CSMD3: variants seen among roughly 807,000 people sequenced by gnomAD.
The protein encoded by CSMD3 is CUB and sushi domain-containing protein 3.
Under a neutral mutation model 435.2 loss-of-function variants are expected in CSMD3, and 177 were observed. That is an observed-to-expected ratio of 0.41 (90% CI 0.36 to 0.46). The LOEUF (loss-of-function observed/expected upper bound fraction) is 0.46. Ranked by LOEUF, CSMD3 falls within the 20% of genes least tolerant of loss-of-function variation. CSMD3 has a pLI of 0.34. For missense variants in CSMD3, 4,265 were observed against 4,504.6 expected (o/e 0.95, Z 1.52); for synonymous variants, 1,656 against 1,520.5 (o/e 1.09, Z -2.07).
intron 36 of CSMD3, among the ~76,000 whole-genome samples, chr8:112,386,090 C>T (rs957755848): frequency 4.6e-5 from 7 of 152,086 alleles, no homozygotes; most frequent in Admixed American, 3.9e-4. Flanking sequence ...ATCCAAATGC[C>T]AGCAGCCACT....
At chr8:112,828,286 A>G (rs1564001485) in intron 12 of CSMD3, among the ~76,000 whole-genome samples, 1 of 152,206 alleles carries the variant, frequency 6.6e-6, no homozygotes, top group African/African-American at 2.4e-5. Context: ...TGTGAGCAAC[A>G]TAACTGATAT....
intron 36 of CSMD3, among the ~76,000 whole-genome samples, chr8:112,388,401 G>A (rs891419044): frequency 3.3e-5 from 5 of 152,114 alleles, no homozygotes; most frequent in African/African-American, 4.8e-5. Context: ...ATCTGATCTC[G>A]GGTAGTAAAA....
chr8:112,515,497 T>C (rs1392434414), intron 28 of CSMD3, among the ~76,000 whole-genome samples: 1 of 152,112 alleles, frequency 6.6e-6, no homozygotes, highest in Non-Finnish European at 1.5e-5. Context: ...TTTGCAAACA[T>C]TTCTTAACAG....
intron 3 of CSMD3, among the ~76,000 whole-genome samples, chr8:113,210,037 TG>T (rs2092815316): frequency 7.5e-6 from 1 of 133,400 alleles, no homozygotes; most frequent in African/African-American, 3.4e-5. Context: ...TGTGTGTGTG[TG>T]TGTGTGTGAT....
At position 112,336,761 on chromosome 8, in the gene CSMD3, G is replaced by T. The variant is rs1268743338; in HGVS notation, c.6910C>A (p.Pro2304Thr). The T allele has an allele frequency of 6.2e-7, 1 of 1,612,936 alleles. No individual in the cohort carries two copies. Among genetic ancestry groups the T allele is most frequent in the South Asian group, 1.1e-5 (1 of 91,054 alleles). The change falls in exon 44 of 71, where the codon CCA (proline) becomes ACA (threonine). Residue 2304 changes from proline to threonine, a missense_variant. Transcript: ENST00000297405. ...IYSPGYPDEY[P>T]NFQDCFWLVR... ...AGCCAAAAACAATCTTGAAAGTTTG[G>T]ATATTCATCAGGATACCCAGGAGAA...
chr8:113,285,261 CTT>C (rs11420062), intron 2 of CSMD3, among the ~76,000 whole-genome samples: 1,806 of 128,062 alleles, frequency 0.014, 25 homozygotes, highest in Admixed American at 0.022. Context: ...TTGGTGACAG[CTT>C]TTTTTTTTTT....
At chr8:112,796,240 T>G (rs1280361205) in intron 13 of CSMD3, among the ~76,000 whole-genome samples, 1 of 152,134 alleles carries the variant, frequency 6.6e-6, no homozygotes, top group Non-Finnish European at 1.5e-5. Context: ...GCAACTATAT[T>G]CTGCAATATG....
chr8:113,117,364 G>A (rs1056505583), intron 4 of CSMD3, among the ~76,000 whole-genome samples: 2 of 152,180 alleles, frequency 1.3e-5, no homozygotes, highest in African/African-American at 4.8e-5. Context: ...TTGAGCCTGA[G>A]GGTACACAGA....
intron 5 of CSMD3, among the ~76,000 whole-genome samples, chr8:113,088,423 T>G (rs62521255): frequency 7.2e-6 from 1 of 139,486 alleles, no homozygotes; most frequent in Non-Finnish European, 1.5e-5. Flanking sequence ...ATGTTTATTG[T>G]GGCACTATTC....
At chr8:113,418,970 T>C (rs896961946) in intron 1 of CSMD3, among the ~76,000 whole-genome samples, 6 of 152,180 alleles carry the variant, frequency 3.9e-5, no homozygotes, top group African/African-American at 1.2e-4. Context: ...AGTAGTACCA[T>C]AGCTTCTGCA....
chr8:113,063,351 T>C (rs1177036091), intron 5 of CSMD3, among the ~76,000 whole-genome samples: 2 of 151,916 alleles, frequency 1.3e-5, no homozygotes, highest in Non-Finnish European at 2.9e-5. Flanking sequence ...TATCCAAAGG[T>C]ATCCTCACTT....
rs1815158677 is a variant in CSMD3 at position 112,250,421 on chromosome 8, G to A, written c.10111-3290C>T. On this transcript the variant is annotated intron_variant, in intron 63 of 70. Coordinates refer to ENST00000297405, the MANE Select transcript of CSMD3 (RefSeq NM_198123.2). ...TATAGATTTAATAATTGGTTAAATT[G>A]TTTATCCAGAACTTGTTATAGTCAA... Among the ~76,000 whole-genome samples, 4 of 151,392 alleles carry A rather than the reference G, an allele frequency of 2.6e-5. No homozygotes were observed. In the South Asian group the frequency reaches 8.3e-4, roughly 32 times the overall value.
chr8:112,906,914 C>T (rs1453785699), intron 10 of CSMD3, among the ~76,000 whole-genome samples: 1 of 151,496 alleles, frequency 6.6e-6, no homozygotes, highest in African/African-American at 2.4e-5. Context: ...TAACCTCAAA[C>T]CATCTAGGGT....
At position 113,016,222 on chromosome 8, in the gene CSMD3, C is replaced by T. The variant is rs150031583; in HGVS notation, c.1030+2845G>A. On this transcript the variant is annotated intron_variant, in intron 6 of 70. Transcript: ENST00000297405. Reference sequence around the variant, plus strand: ...GAGCTCAGAGTGAGAATGTATTTTACGTATTAAAGGCTTTCTATTTAAACC... The same window carrying T: ...GAGCTCAGAGTGAGAATGTATTTTATGTATTAAAGGCTTTCTATTTAAACC... Among the ~76,000 whole-genome samples, 18 of 151,752 alleles carry T rather than the reference C, an allele frequency of 1.2e-4. No homozygotes were observed. The East Asian group carries it at 3.1e-3, about 26-fold the overall frequency.
At chr8:112,434,940 T>C (rs1044643583) in intron 32 of CSMD3, among the ~76,000 whole-genome samples, 3 of 152,100 alleles carry the variant, frequency 2.0e-5, no homozygotes, top group Middle Eastern at 3.2e-3. Flanking sequence ...AATGACGAGT[T>C]CACCAGAGTA....
intron 1 of CSMD3, among the ~76,000 whole-genome samples, chr8:113,363,895 T>C (rs1016222339): frequency 1.3e-5 from 2 of 152,186 alleles, no homozygotes; most frequent in Non-Finnish European, 2.9e-5. Flanking sequence ...TTATCAATTA[T>C]TGAATTTCAT....
At chr8:112,545,905 A>G (rs1156821705) in intron 27 of CSMD3, among the ~76,000 whole-genome samples, 2 of 152,194 alleles carry the variant, frequency 1.3e-5, no homozygotes, top group Non-Finnish European at 2.9e-5. Context: ...CAACAGGCAT[A>G]AATAAGGACT....
At chr8:113,152,517 G>A (rs1487898440) in intron 4 of CSMD3, among the ~76,000 whole-genome samples, 1 of 152,006 alleles carries the variant, frequency 6.6e-6, no homozygotes, top group Non-Finnish European at 1.5e-5. Context: ...CCAGGAGTAA[G>A]AAACATGATT....
chr8:112,410,425 T>C (rs527746388), intron 32 of CSMD3, among the ~76,000 whole-genome samples: 1 of 149,012 alleles, frequency 6.7e-6, no homozygotes, highest in African/African-American at 2.4e-5. Flanking sequence ...ACAAACATTT[T>C]GAATTCAGAC....
Sources: allele counts gnomAD v4.1 joint callset (sites outside exome capture counted in the v4.1 genomes callset), GRCh38; gene constraint gnomAD v4.1.1; transcripts MANE v1.5; gene names NCBI Gene and HGNC (gene_info 2026-07-23, HGNC 2026-07-21).